The following LRP1B variants were observed in gnomAD, a reference collection of about 807,000 sequenced individuals.
LRP1B encodes the protein low-density lipoprotein receptor-related protein 1B.
In LRP1B, 217 loss-of-function variants were observed where a neutral mutation model predicts 556.6. The ratio of observed to expected loss-of-function variants is 0.39; its 90% CI spans 0.35 to 0.44. The LOEUF is 0.44. LRP1B is among the 20% of genes least tolerant of loss of function. LRP1B has a pLI of 1.00. For synonymous variants in LRP1B, 2,047 were observed against 1,865.8 expected (o/e 1.10, Z -2.50); for missense variants, 5,053 against 5,620.8 (o/e 0.90, Z 3.23).
intron 31 of LRP1B, among the ~76,000 whole-genome samples, chr2:140,817,528 G>A (rs1325470641): frequency 2.0e-5 from 3 of 151,706 alleles, no homozygotes; most frequent in Middle Eastern, 4.0e-3. Flanking sequence ...TTGTTACTGA[G>A]ACAATGAAAA....
chr2:141,988,483 A>T (rs1360821362), intron 1 of LRP1B, among the ~76,000 whole-genome samples: 2 of 152,016 alleles, frequency 1.3e-5, no homozygotes, highest in Non-Finnish European at 2.9e-5. Context: ...TATGTACATT[A>T]TCCAGTGGCA....
chr2:141,503,828 C>A (rs1253232215), intron 2 of LRP1B, among the ~76,000 whole-genome samples: 1 of 152,066 alleles, frequency 6.6e-6, no homozygotes, highest in Non-Finnish European at 1.5e-5. Flanking sequence ...ATAATTAAGG[C>A]AAACTTTGCC....
At chr2:142,088,923 C>T (rs992179498) in intron 1 of LRP1B, among the ~76,000 whole-genome samples, 3 of 139,006 alleles carry the variant, frequency 2.2e-5, no homozygotes, top group Non-Finnish European at 4.5e-5. Flanking sequence ...TGCAGTGAGC[C>T]GAGATCGCGC....
chr2:141,168,894 C>T (rs1027084363), intron 7 of LRP1B, among the ~76,000 whole-genome samples: 1 of 152,032 alleles, frequency 6.6e-6, no homozygotes, highest in Non-Finnish European at 1.5e-5. Flanking sequence ...CAAAATAACA[C>T]AGCAGATGGA....
At chr2:140,956,588 A>G (rs1695879915) in intron 18 of LRP1B, among the ~76,000 whole-genome samples, 1 of 151,770 alleles carries the variant, frequency 6.6e-6, no homozygotes, top group Non-Finnish European at 1.5e-5. Flanking sequence ...GTGGCTCCCA[A>G]GAATTGGTAC....
intron 3 of LRP1B, among the ~76,000 whole-genome samples, chr2:141,299,787 A>G (rs1686316482): frequency 6.6e-6 from 1 of 152,220 alleles, no homozygotes; most frequent in African/African-American, 2.4e-5. Flanking sequence ...TAAGAATAAT[A>G]CTTATATCAA....
chr2:140,339,176 T>C lies in LRP1B; in HGVS notation c.11893-3338A>G, dbSNP rs1681249039. Among the ~76,000 whole-genome samples the C allele has an allele frequency of 2.0e-5, 3 of 151,960 alleles. No homozygotes were observed. In the South Asian group the frequency reaches 6.2e-4, roughly 31 times the overall value. On this transcript the variant is annotated intron_variant, in intron 77 of 90. Transcript: ENST00000389484. ...TACAAAAAAAGTGACAGCTTGATTGTAACAAAATTAGAGGTTACTAGTTTA... is the reference window on the plus strand; with the variant it reads ...TACAAAAAAAGTGACAGCTTGATTGCAACAAAATTAGAGGTTACTAGTTTA...
chr2:142,100,208 T>A (rs1706523474), intron 1 of LRP1B, among the ~76,000 whole-genome samples: 1 of 151,874 alleles, frequency 6.6e-6, no homozygotes, highest in African/African-American at 2.4e-5. Context: ...AAGTGTAGGG[T>A]TTGTTGTTTA....
At chr2:141,009,692 A>C (rs983904092) in intron 14 of LRP1B, among the ~76,000 whole-genome samples, 7 of 152,130 alleles carry the variant, frequency 4.6e-5, no homozygotes, top group South Asian at 4.1e-4. Flanking sequence ...TGTGTAATCT[A>C]AAATCTCTAA....
chr2:141,275,102 G>C (rs2090806), intron 3 of LRP1B, among the ~76,000 whole-genome samples: 1 of 152,124 alleles, frequency 6.6e-6, no homozygotes, highest in Non-Finnish European at 1.5e-5. Flanking sequence ...GCTGGTAAAA[G>C]GAAATCCTGA....
chr2:140,532,940 A>ATCTATATC (rs1553482110), intron 47 of LRP1B, among the ~76,000 whole-genome samples: 1 of 122,870 alleles, frequency 8.1e-6, no homozygotes, highest in African/African-American at 2.9e-5. Context: ...ATATATATAT[A>ATCTATATC]TATATATACA....
At chr2:140,865,734 A>G (rs1692929910) in intron 27 of LRP1B, among the ~76,000 whole-genome samples, 1 of 152,046 alleles carries the variant, frequency 6.6e-6, no homozygotes, top group Non-Finnish European at 1.5e-5. Flanking sequence ...TTTGCCCTGA[A>G]TCCTGGGAAA....
intron 5 of LRP1B, among the ~76,000 whole-genome samples, chr2:141,239,300 G>T (rs538841816): frequency 6.6e-6 from 1 of 152,188 alleles, no homozygotes; most frequent in African/African-American, 2.4e-5. Flanking sequence ...CTTGGCAATA[G>T]ATGTGACTGA....
intron 27 of LRP1B, among the ~76,000 whole-genome samples, chr2:140,855,117 G>A (rs1692574192): frequency 6.6e-6 from 1 of 151,922 alleles, no homozygotes; most frequent in African/African-American, 2.4e-5. Flanking sequence ...GTATCTAGTT[G>A]TTTAAAACAC....
rs575296283 is a variant in LRP1B, at chr2:140,304,995, G to C, written c.12806-7026C>G. Among the ~76,000 whole-genome samples the C allele has an allele frequency of 8.5e-5, 13 of 152,190 alleles. No homozygotes were observed. The East Asian group carries it at 2.5e-3, about 29-fold the overall frequency. ...GTGTGGTATTATTTCTGAGGGCTCT[G>C]TTCTGTTCCATTGGTCTATATCTCT... is the stretch of plus-strand genomic sequence containing the variant. On this transcript the variant is annotated intron_variant, in intron 83 of 90. Transcript: ENST00000389484.
chr2:140,600,822 C>A (rs1682634183), intron 42 of LRP1B, among the ~76,000 whole-genome samples: 1 of 109,348 alleles, frequency 9.1e-6, no homozygotes, highest in Non-Finnish European at 1.9e-5. Context: ...AGACATCCTC[C>A]AAAACACAAT....
rs374500880 is a variant in LRP1B at position 141,376,537 on chromosome 2, G to T, written c.343+103859C>A. On this transcript the variant is annotated intron_variant, in intron 3 of 90. Coordinates refer to ENST00000389484, the MANE Select transcript of LRP1B (RefSeq NM_018557.3). ...ATTCGCATTCTTCTCCGTGGAGGAG[G>T]CACATTCTACCTGCATCTAGTAAGT... Among the ~76,000 whole-genome samples, 116 of 152,106 alleles carry T rather than the reference G, an allele frequency of 7.6e-4. 1 individual carries two copies. The South Asian group carries it at 0.023, about 30-fold the overall frequency.
intron 43 of LRP1B, among the ~76,000 whole-genome samples, chr2:140,568,197 G>A (rs1681195923): frequency 2.6e-5 from 1 of 38,064 alleles, no homozygotes; most frequent in African/African-American, 5.8e-5. Context: ...ATGCACCATG[G>A]TCCAAAAAAA....
intron 41 of LRP1B, among the ~76,000 whole-genome samples, chr2:140,671,141 G>A (rs1358987879): frequency 6.6e-6 from 1 of 152,130 alleles, no homozygotes; most frequent in Non-Finnish European, 1.5e-5. Context: ...CAATTATAAA[G>A]GTCAGAAGTC....
Sources: gnomAD v4.1 joint callset for allele counts (sites outside exome capture counted in the v4.1 genomes callset) on GRCh38, gnomAD v4.1.1 for gene constraint, MANE v1.5 for transcripts, NCBI Gene and HGNC (gene_info 2026-07-23, HGNC 2026-07-21) for gene names.